GRIP1: variants seen among roughly 807,000 people sequenced by gnomAD.
GRIP1 encodes glutamate receptor interacting protein 1.
In GRIP1, 45 loss-of-function variants were observed where a neutral mutation model predicts 129.9. That is an observed-to-expected ratio of 0.35 (90% CI 0.27 to 0.44). The LOEUF is 0.44. GRIP1 is among the 20% of genes least tolerant of loss of function. GRIP1 has a pLI of 1.00. For synonymous variants in GRIP1, 530 were observed against 520.8 expected, an observed-to-expected ratio of 1.02 and a Z score of -0.24; for missense variants, 1,196 against 1,396.8, an observed-to-expected ratio of 0.86 and a Z score of 2.29.
chr12:66,929,711 C>T (rs1019551231), intron 1 of GRIP1, among the ~76,000 whole-genome samples: 3 of 152,182 alleles, frequency 2.0e-5, no homozygotes, highest in South Asian at 2.1e-4. Context: ...GCCTCCTCTA[C>T]ATCTATGTAT....
At chr12:66,496,039 C>G (rs2060231392) in intron 7 of GRIP1, among the ~76,000 whole-genome samples, 1 of 152,144 alleles carries the variant, frequency 6.6e-6, no homozygotes, top group Admixed American at 6.5e-5. Context: ...TTAATGATAA[C>G]CACTCCTTTC....
chr12:66,748,592 C>T (rs2037026777), intron 1 of GRIP1, among the ~76,000 whole-genome samples: 1 of 152,112 alleles, frequency 6.6e-6, no homozygotes, highest in African/African-American at 2.4e-5. Context: ...TGTCTAGCAG[C>T]CTTAGGATGA....
At chr12:66,504,168 G>A (rs1035822854) in intron 7 of GRIP1, among the ~76,000 whole-genome samples, 1 of 152,062 alleles carries the variant, frequency 6.6e-6, no homozygotes, top group African/African-American at 2.4e-5. Context: ...CAGTGATGTC[G>A]AATTACTAAG....
intron 22 of GRIP1, among the ~76,000 whole-genome samples, chr12:66,374,112 T>C (rs1244770337): frequency 6.6e-6 from 1 of 152,234 alleles, no homozygotes; most frequent in Non-Finnish European, 1.5e-5. Flanking sequence ...GATTGAAACC[T>C]TTCTTTACTG....
intron 4 of GRIP1, 27 bp from the exon 5 acceptor site, chr12:66,529,941 T>G: frequency 2.3e-6 from 3 of 1,300,564 alleles, no homozygotes; most frequent in Non-Finnish European, 2.2e-6. Flanking sequence ...GAGAAGGAAA[T>G]ATAACTTGTA....
At chr12:66,767,759 G>A (rs1308421642) in intron 1 of GRIP1, among the ~76,000 whole-genome samples, 1 of 152,164 alleles carries the variant, frequency 6.6e-6, no homozygotes, top group African/African-American at 2.4e-5. Context: ...CTGCCACGAT[G>A]CTGGTGTGCC....
intron 5 of GRIP1, among the ~76,000 whole-genome samples, chr12:66,527,655 C>T (rs191378157): frequency 1.5e-3 from 222 of 151,818 alleles, no homozygotes; most frequent in Non-Finnish European, 2.1e-3. Context: ...GCACATGTAC[C>T]CTAAAACTTA....
chr12:66,511,130 C>T (rs914236713), intron 7 of GRIP1, among the ~76,000 whole-genome samples: 10 of 152,010 alleles, frequency 6.6e-5, no homozygotes, highest in South Asian at 2.1e-4. Context: ...ATGCTATTCT[C>T]GTGATAGTGA....
At chr12:66,719,391 A>G (rs1172034415) in intron 1 of GRIP1, among the ~76,000 whole-genome samples, 1 of 152,202 alleles carries the variant, frequency 6.6e-6, no homozygotes, top group Non-Finnish European at 1.5e-5. Context: ...CCTCAGGGAT[A>G]GATGTTAACC....
chr12:66,923,482 C>T (rs1262612557), intron 1 of GRIP1, among the ~76,000 whole-genome samples: 2 of 152,190 alleles, frequency 1.3e-5, no homozygotes, highest in Non-Finnish European at 2.9e-5. Flanking sequence ...TCACCTCACC[C>T]TCCTACTCAA....
chr12:66,691,008 CA>C (rs1464823697), intron 1 of GRIP1, among the ~76,000 whole-genome samples: 1 of 152,090 alleles, frequency 6.6e-6, no homozygotes, highest in East Asian at 1.9e-4. Flanking sequence ...TTTCCAACAA[CA>C]GTGTAAATAG....
At chr12:66,527,592 T>C (rs2061295553) in intron 5 of GRIP1, among the ~76,000 whole-genome samples, 1 of 152,038 alleles carries the variant, frequency 6.6e-6, no homozygotes, top group Middle Eastern at 3.2e-3. Flanking sequence ...AGTTAATGGA[T>C]GCAGCACACC....
At chr12:66,827,387 T>TGTGTGTGTGTGTGAGAGA (rs755458052) in intron 1 of GRIP1, among the ~76,000 whole-genome samples, 108 of 108,290 alleles carry the variant, frequency 1.0e-3, no homozygotes, top group African/African-American at 3.7e-3. Flanking sequence ...TGTGTGTGTG[T>TGTGTGTGTGTGTGAGAGA]GAGAGAGAGA....
At chr12:66,647,099 C>T (rs2032431636) in intron 1 of GRIP1, among the ~76,000 whole-genome samples, 1 of 152,176 alleles carries the variant, frequency 6.6e-6, no homozygotes, top group Non-Finnish European at 1.5e-5. Context: ...TGAGTCTGAA[C>T]TTAACCATTG....
At chr12:66,857,041 C>A (rs2040018038) in intron 1 of GRIP1, among the ~76,000 whole-genome samples, 1 of 152,044 alleles carries the variant, frequency 6.6e-6, no homozygotes. Flanking sequence ...TACTATGCAG[C>A]CATAAAAAAT....
intron 7 of GRIP1, among the ~76,000 whole-genome samples, chr12:66,478,589 T>C (rs1436278972): frequency 6.6e-6 from 1 of 152,172 alleles, no homozygotes; most frequent in Non-Finnish European, 1.5e-5. Context: ...GTATGTTTAT[T>C]GCGGCAGTAC....
intron 16 of GRIP1, among the ~76,000 whole-genome samples, chr12:66,401,609 T>TATATATATATACACACACAC (rs1169241331): frequency 5.9e-4 from 65 of 110,180 alleles, no homozygotes; most frequent in East Asian, 4.2e-3. Flanking sequence ...TATATATATA[T>TATATATATATACACACACAC]ACACACACAC....
intron 1 of GRIP1, among the ~76,000 whole-genome samples, chr12:66,633,867 T>C (rs1565927334): frequency 6.6e-6 from 1 of 152,172 alleles, no homozygotes; most frequent in South Asian, 2.1e-4. Flanking sequence ...TAACATCCTT[T>C]AAGCACACTT....
At chr12:66,556,863 C>T (rs1227592046) in intron 2 of GRIP1, among the ~76,000 whole-genome samples, 2 of 151,304 alleles carry the variant, frequency 1.3e-5, no homozygotes, top group Non-Finnish European at 3.0e-5. Context: ...TTAAAACATA[C>T]CACCAGAGAA....
Sources: gnomAD v4.1 joint callset for allele counts (sites outside exome capture counted in the v4.1 genomes callset) on GRCh38, gnomAD v4.1.1 for gene constraint, MANE v1.5 for transcripts, NCBI Gene and HGNC (gene_info 2026-07-23, HGNC 2026-07-21) for gene names.